The following KIF1A variants were observed in gnomAD, a reference collection of about 807,000 sequenced individuals.
KIF1A encodes the protein kinesin family member 1A, also known as kinesin-like protein KIF1A.
In KIF1A, 46 loss-of-function variants were observed where a neutral mutation model predicts 227.3. The ratio of observed to expected loss-of-function variants is 0.20; its 90% CI spans 0.16 to 0.26. KIF1A has a LOEUF of 0.26. Among genes scored for constraint, KIF1A ranks in the 10% least tolerant of loss-of-function variants. The probability of loss-of-function intolerance (pLI) is 1.00; values close to 1 mark genes in which losing one functional copy is unlikely to be tolerated. For synonymous variants in KIF1A, 1,022 were observed against 1,012.8 expected (o/e 1.01, Z -0.17); for missense variants, 1,683 against 2,485.9 (o/e 0.68, Z 6.87).
rs2050039608 is a variant in KIF1A at position 240,757,721 on chromosome 2, G to C, written c.2583-127C>G. 2 of 899,396 alleles carry C rather than the reference G, an allele frequency of 2.2e-6. No homozygotes were observed. The highest frequency in any genetic ancestry group is 5.3e-5 in the East Asian group (2 of 37,450). 55.7% of individuals were successfully genotyped at this position (899,396 alleles called of 1,614,324 possible). A position where few individuals can be genotyped will look rare whatever the true frequency, so the allele number is the denominator to read the frequency against. On this transcript the variant is annotated intron_variant, in intron 26 of 48. Coordinates refer to ENST00000498729, the MANE Select transcript of KIF1A (RefSeq NM_001244008.2). The surrounding 1 kb of genome is among the most constrained non-coding windows in gnomAD (Gnocchi z 6.2). ...ACCAAACACACAGACCATCGAGAATGCTGCTTTAAAAGATGAGAGAACCAA... is the reference window on the plus strand; with the variant it reads ...ACCAAACACACAGACCATCGAGAATCCTGCTTTAAAAGATGAGAGAACCAA...
chr2:240,789,097 TGACCTTCCAGGG>T lies in KIF1A; in HGVS notation c.183+127_183+138del. 1.5e-6 allele frequency: 1 copy of T among 679,612 alleles called. No individual in the cohort carries two copies. Among genetic ancestry groups the T allele is most frequent in the Non-Finnish European group, 2.6e-6 (1 of 386,496 alleles). The allele number at this position is 679,612 out of a possible 1,614,324, so 42.1% of individuals were successfully genotyped here. On this transcript the variant is annotated intron_variant, in intron 3 of 48. Coordinates refer to ENST00000498729, the MANE Select transcript of KIF1A (RefSeq NM_001244008.2). This position sits in a 1 kb window ranked among gnomAD's most constrained non-coding sequence, Gnocchi z 4.8. ...TGCCTTCGCTGAGGACCGCTCAGGGTGACCTTCCAGGGGAGCAGGGTGGGGTCCTCGCCCCAG... is the reference window on the plus strand; with the variant it reads ...TGCCTTCGCTGAGGACCGCTCAGGGTGAGCAGGGTGGGGTCCTCGCCCCAG...
intron 5 of KIF1A, among the ~76,000 whole-genome samples, 186 bp from the exon 6 acceptor site, chr2:240,786,699 C>CTG (rs2054848618): frequency 1.5e-5 from 2 of 133,768 alleles, no homozygotes; most frequent in African/African-American, 2.8e-5. Context: ...GGGATGGGAG[C>CTG]CAGCATCAGG....
intron 25 of KIF1A, among the ~76,000 whole-genome samples, chr2:240,759,077 A>C (rs751944995): frequency 4.6e-5 from 7 of 152,118 alleles, no homozygotes; most frequent in Middle Eastern, 3.2e-3. Flanking sequence ...AACAGGGCAG[A>C]AGAGTGAGGA....
chr2:240,770,679 A>G (rs566395391), intron 15 of KIF1A, among the ~76,000 whole-genome samples: 1 of 152,332 alleles, frequency 6.6e-6, no homozygotes, highest in South Asian at 2.1e-4. Context: ...GGCACAGGCC[A>G]TCCAGACACC....
intron 45 of KIF1A, 99 bp downstream of exon 45, chr2:240,720,814 TG>T: frequency 7.2e-7 from 1 of 1,397,370 alleles, no homozygotes; most frequent in Non-Finnish European, 9.5e-7. Context: ...ACTCGGCCAT[TG>T]GGGCCCCCTG....
chr2:240,745,984 A>G, intron 30 of KIF1A, 55 bp downstream of exon 30: 1 of 1,597,060 alleles, frequency 6.3e-7, no homozygotes, highest in South Asian at 1.1e-5. Context: ...GGCCGGGCTC[A>G]GGAACCAGGT....
rs200898765 is a variant in KIF1A at position 240,745,709 on chromosome 2, G to A, written c.3374+29C>T. ...CTTGGGCACAGAGTCCCTGCGCAGC[G>A]CAGGGACACAAAGGCAGCAGGGCCT... On this transcript the variant is annotated intron_variant, in intron 31 of 48. Coordinates refer to ENST00000498729, the MANE Select transcript of KIF1A (RefSeq NM_001244008.2). The A allele has an allele frequency of 3.0e-4, 484 of 1,604,846 alleles. 5 individuals carry two copies. The South Asian group carries it at 4.5e-3, about 15-fold the overall frequency.
intron 28 of KIF1A, among the ~76,000 whole-genome samples, chr2:240,748,128 G>A (rs1438061224): frequency 1.3e-5 from 2 of 152,214 alleles, no homozygotes; most frequent in African/African-American, 2.4e-5. Context: ...GCCCAGGATA[G>A]GAGCACTTCC....
chr2:240,732,935 G>A (rs1228956513), intron 38 of KIF1A, among the ~76,000 whole-genome samples: 6 of 130,068 alleles, frequency 4.6e-5, no homozygotes, highest in African/African-American at 1.8e-4. Context: ...AGGGATAAGG[G>A]GATGGGGAAG....
chr2:240,723,494 G>A lies in KIF1A; in HGVS notation c.4383C>T (p.Asn1461=). ...CACTCCGGGGCCTCCAGCCTGCCAG[G>A]TTCTCCTCGCCCCGGACATAGGCCA... ...TSVAYVRGEE[N]LAGWRPRSDS... The change falls in exon 42 of 49, where the codon AAC becomes AAT. Residue 1461 remains asparagine (N), a synonymous_variant. Transcript: ENST00000498729. The A allele has an allele frequency of 6.4e-7, 1 of 1,552,018 alleles. No individual in the cohort carries two copies. Among genetic ancestry groups the A allele is most frequent in the Non-Finnish European group, 8.7e-7 (1 of 1,148,206 alleles).
intron 11 of KIF1A, 130 bp from the exon 12 acceptor site, chr2:240,774,391 A>T (rs1322610725): frequency 2.3e-5 from 6 of 265,754 alleles, no homozygotes; most frequent in Admixed American, 1.3e-4. Flanking sequence ...TCACAGGCTT[A>T]CCCCCCCCCC....
chr2:240,777,881 C>T (rs557294874), intron 10 of KIF1A, among the ~76,000 whole-genome samples: 3 of 152,346 alleles, frequency 2.0e-5, no homozygotes, highest in East Asian at 1.9e-4. Flanking sequence ...CACTGTCCCT[C>T]GCAGGGTCCC....
chr2:240,739,204 A>G lies in KIF1A; in HGVS notation c.3901+854T>C, dbSNP rs1275633032. Reference sequence around the variant, plus strand: ...CCTTGAGCAGCCACCCAGCCCGGCCATGGCAATGTCTGGGGCAAGGCAGGG... The same window carrying G: ...CCTTGAGCAGCCACCCAGCCCGGCCGTGGCAATGTCTGGGGCAAGGCAGGG... On this transcript the variant is annotated intron_variant, in intron 37 of 48. Coordinates refer to ENST00000498729, the MANE Select transcript of KIF1A (RefSeq NM_001244008.2). This position sits in a 1 kb window ranked among gnomAD's most constrained non-coding sequence, Gnocchi z 5.6. Among the ~76,000 whole-genome samples the G allele has an allele frequency of 2.6e-5, 4 of 152,242 alleles. No homozygotes were observed. In the East Asian group the frequency reaches 7.7e-4, roughly 29 times the overall value.
intron 29 of KIF1A, among the ~76,000 whole-genome samples, chr2:240,746,555 C>T (rs560642449): frequency 1.3e-5 from 2 of 152,326 alleles, no homozygotes; most frequent in Non-Finnish European, 2.9e-5. Context: ...TACTGACAGC[C>T]CCTCCAAGAG....
intron 2 of KIF1A, among the ~76,000 whole-genome samples, chr2:240,791,566 G>A (rs559519068): frequency 1.5e-5 from 2 of 130,456 alleles, no homozygotes; most frequent in African/African-American, 2.8e-5. Flanking sequence ...CGGGCTCCCC[G>A]CACAGGCCTG....
At chr2:240,741,700 C>T (rs1420412194) in intron 34 of KIF1A, among the ~76,000 whole-genome samples, 1 of 152,238 alleles carries the variant, frequency 6.6e-6, no homozygotes, top group Non-Finnish European at 1.5e-5. Flanking sequence ...GCCGCACATA[C>T]CCTTGTTCAA....
At position 240,723,550 on chromosome 2, in the gene KIF1A, G is replaced by A. The variant is rs1322130179; in HGVS notation, c.4327C>T (p.Arg1443Cys). The A allele has an allele frequency of 3.9e-6, 6 of 1,535,842 alleles. No homozygotes were observed. The highest frequency in any genetic ancestry group is 5.3e-6 in the Non-Finnish European group (6 of 1,135,532). The part of the protein sequence containing the change: ...VADAGSPGMQ[R>C]RRRRVLDTSV... ...GTGTCCAGGACTCGTCGGCGCCGGC[G>A]CTGCATCCCTGCATGGGGCACGTGG... The change falls in exon 42 of 49, where the codon CGC becomes TGC. Residue 1443 changes from arginine to cysteine, a missense_variant. Around this residue, in one of 12 missense-constraint regions of KIF1A, gnomAD observed 759 missense variants for 1,020.2 expected, o/e 0.74. Transcript: ENST00000498729.
Position 240,719,748 on chromosome 2 carries a change from G to T in KIF1A, c.5021+26C>A, listed in dbSNP as rs779791566. 354 of 1,526,218 alleles carry T rather than the reference G, an allele frequency of 2.3e-4. 1 individual carries two copies. Among genetic ancestry groups the T allele is most frequent in the Non-Finnish European group, 2.8e-4 (323 of 1,134,846 alleles). The allele number at this position is 1,526,218 out of a possible 1,614,324, so 94.5% of individuals were successfully genotyped here. A position where few individuals can be genotyped will look rare whatever the true frequency, so the allele number is the denominator to read the frequency against. The stretch of plus-strand genomic sequence containing the variant: ...CCCTGTCAGCACAGAGCTGGTGGCG[G>T]TGCTTTCCAGGGAGGCCCCACACAC... On this transcript the variant is annotated intron_variant, in intron 46 of 48. Transcript: ENST00000498729.
At chr2:240,724,114 GC>G in intron 40 of KIF1A, 78 bp from the exon 41 acceptor site, 1 of 1,283,142 alleles carries the variant, frequency 7.8e-7, no homozygotes, top group Non-Finnish European at 1.1e-6. Flanking sequence ...CTGCTGACTT[GC>G]CCCACTATCA....
Sources: gnomAD v4.1 joint callset for allele counts (sites outside exome capture counted in the v4.1 genomes callset) on GRCh38, gnomAD v4.1.1 for gene constraint, gnomAD v4.1.1 regional missense constraint, Gnocchi (gnomAD v3.1) non-coding constraint, MANE v1.5 for transcripts, NCBI Gene and HGNC (gene_info 2026-07-23, HGNC 2026-07-21) for gene names.